The following ADAT2 variants were observed in gnomAD, a reference collection of about 807,000 sequenced individuals.
ADAT2 encodes adenosine deaminase tRNA specific 2.
ADAT2 carries 26 observed loss-of-function variants against 25.9 expected under a neutral mutation model. The observed-to-expected ratio is 1.00, with a 90% CI of 0.74 to 1.39. ADAT2 has a LOEUF of 1.39. ADAT2 is among the 40% of genes most tolerant of loss of function. ADAT2 has a pLI of 0.00. For missense variants in ADAT2, 220 were observed against 244.8 expected (o/e 0.90, Z 0.68); for synonymous variants, 76 against 86.8 (o/e 0.88, Z 0.69).
In ADAT2 at chr6:143,434,057, G is replaced by A. The variant is rs191276205; in HGVS notation, c.202-76C>T. 4.4e-5 allele frequency: 69 copies of A among 1,559,152 alleles called. No individual in the cohort carries two copies. In the Admixed American group the frequency reaches 7.5e-4, roughly 17 times the overall value. On this transcript the variant is annotated intron_variant, in intron 2 of 5. Transcript: ENST00000237283. The surrounding 1 kb of genome is among the most constrained non-coding windows in gnomAD (Gnocchi z 4.5). Reference sequence around the variant, plus strand: ...TATTTTACAAATATACAAAAACTAAGTACAAAATATGCGCCTATCCTTTCT... The same window carrying A: ...TATTTTACAAATATACAAAAACTAAATACAAAATATGCGCCTATCCTTTCT...
At chr6:143,435,516 A>ATCTTCT (rs879600559) in intron 2 of ADAT2, among the ~76,000 whole-genome samples, 2,669 of 152,284 alleles carry the variant, frequency 0.018, 105 homozygotes, top group Admixed American at 0.073. Flanking sequence ...AGCATATAGA[A>ATCTTCT]GAAACCCCGG....
intron 1 of ADAT2, among the ~76,000 whole-genome samples, chr6:143,441,198 A>T (rs1383501341): frequency 6.6e-6 from 1 of 152,244 alleles, no homozygotes; most frequent in African/African-American, 2.4e-5. Flanking sequence ...AATTTGTTAC[A>T]GCAGCCATAG....
rs1356047722 is a variant in ADAT2 at position 143,432,430 on chromosome 6, C to G, written c.459+75G>C. 85 of 1,330,040 alleles carry G rather than the reference C, an allele frequency of 6.4e-5. 1 individual carries two copies. The highest frequency in any genetic ancestry group is 1.9e-4 in the Admixed American group (11 of 58,186). 82.4% of individuals were successfully genotyped at this position (1,330,040 alleles called of 1,614,324 possible). Reference sequence around the variant, plus strand: ...ATCGTTTCTTCGTATACTGGCCACACACTAGTTATTCACAAGCCCATAAAG... The same window carrying G: ...ATCGTTTCTTCGTATACTGGCCACAGACTAGTTATTCACAAGCCCATAAAG... On this transcript the variant is annotated intron_variant, in intron 4 of 5. Transcript: ENST00000237283. This position sits in a 1 kb window ranked among gnomAD's most constrained non-coding sequence, Gnocchi z 4.4.
In ADAT2 at chr6:143,427,126, C is replaced by CAT. The variant is rs1778957771; in HGVS notation, c.*1336_*1337insAT. On this transcript the variant is annotated 3_prime_UTR_variant, in exon 6 of 6. Transcript: ENST00000237283. ...ACACACACACACACACACACACACA[C>CAT]ACACACACAAAACCAAGCAATTATA... 1 of 152,286 alleles carries CAT rather than the reference C, an allele frequency of 6.6e-6. No homozygotes were observed. The highest frequency in any genetic ancestry group is 2.4e-5 in the African/African-American group (1 of 41,228). 9.4% of individuals were successfully genotyped at this position (152,286 alleles called of 1,614,324 possible).
At chr6:143,430,936 T>C (rs1779096070) in intron 4 of ADAT2, among the ~76,000 whole-genome samples, 1 of 152,224 alleles carries the variant, frequency 6.6e-6, no homozygotes, top group Non-Finnish European at 1.5e-5. Context: ...AGAATAGTTC[T>C]GTAGGCCTCT....
rs1779416578 is a variant in ADAT2, at chr6:143,440,196, G to A, written c.97-1502C>T. Among the ~76,000 whole-genome samples the A allele has an allele frequency of 6.6e-6, 1 of 152,132 alleles. No homozygotes were observed. Among genetic ancestry groups the A allele is most frequent in the Non-Finnish European group, 1.5e-5 (1 of 68,036 alleles). ...CCAGAAAGGCAAGGTATTCCTTACT[G>A]TGGCAGCCCTGAAGAGACTTTGGAA... On this transcript the variant is annotated intron_variant, in intron 1 of 5. Transcript: ENST00000237283. The surrounding 1 kb of genome is among the most constrained non-coding windows in gnomAD (Gnocchi z 4.5).
chr6:143,436,354 G>T lies in ADAT2; in HGVS notation c.201+2236C>A. ...CTGGATGTCCATGAGGGAGGTAGAG[G>T]AGAAAATGCTTCATGTCCAAACCAA... On this transcript the variant is annotated intron_variant, in intron 2 of 5. Transcript: ENST00000237283. The surrounding 1 kb of genome is among the most constrained non-coding windows in gnomAD (Gnocchi z 4.1). 1 of 258,186 alleles carries T rather than the reference G, an allele frequency of 3.9e-6. No homozygotes were observed. Among genetic ancestry groups the T allele is most frequent in the South Asian group, 5.1e-5 (1 of 19,510 alleles). 16.0% of individuals were successfully genotyped at this position (258,186 alleles called of 1,614,324 possible).
intron 2 of ADAT2, among the ~76,000 whole-genome samples, chr6:143,435,381 G>A (rs1250883196): frequency 6.6e-6 from 1 of 152,130 alleles, no homozygotes; most frequent in Non-Finnish European, 1.5e-5. Context: ...GGGTAGTGGT[G>A]GTGGTATCAG....
At chr6:143,438,108 A>G (rs1268846887) in intron 2 of ADAT2, among the ~76,000 whole-genome samples, 2 of 152,192 alleles carry the variant, frequency 1.3e-5, no homozygotes, top group African/African-American at 4.8e-5. Context: ...CTCCCTCCAA[A>G]GCTATACATT....
rs1298257689 is a variant in ADAT2 at position 143,437,480 on chromosome 6, T to C, written c.201+1110A>G. Among the ~76,000 whole-genome samples, 1 of 152,236 alleles carries C rather than the reference T, an allele frequency of 6.6e-6. No homozygotes were observed. Among genetic ancestry groups the C allele is most frequent in the African/African-American group, 2.4e-5 (1 of 41,462 alleles). On this transcript the variant is annotated intron_variant, in intron 2 of 5. Transcript: ENST00000237283. This position sits in a 1 kb window ranked among gnomAD's most constrained non-coding sequence, Gnocchi z 4.1. ...TCTGTTACTGATTTCTAAGAACTCA[T>C]TTCTGATTAAGGATGTGAACATTTT...
At position 143,440,020 on chromosome 6, in the gene ADAT2, G is replaced by A. The variant is rs1018643437; in HGVS notation, c.97-1326C>T. Among the ~76,000 whole-genome samples the A allele has an allele frequency of 6.6e-6, 1 of 152,152 alleles. No homozygotes were observed. The highest frequency in any genetic ancestry group is 2.4e-5 in the African/African-American group (1 of 41,420). On this transcript the variant is annotated intron_variant, in intron 1 of 5. Transcript: ENST00000237283. This position sits in a 1 kb window ranked among gnomAD's most constrained non-coding sequence, Gnocchi z 4.5. ...CCTAGGAAAATTAACTCTACCTTCA[G>A]GCGGAGAGCTTAAGCAGGCAGGTTA...
chr6:143,429,717 G>C (rs1490216202), intron 4 of ADAT2, among the ~76,000 whole-genome samples: 1 of 152,198 alleles, frequency 6.6e-6, no homozygotes, highest in African/African-American at 2.4e-5. Context: ...CCCTTCTGAA[G>C]TGCATGAAGT....
chr6:143,430,276 G>A (rs1476750221), intron 4 of ADAT2, among the ~76,000 whole-genome samples: 1 of 152,182 alleles, frequency 6.6e-6, no homozygotes, highest in Non-Finnish European at 1.5e-5. Flanking sequence ...TGGGATGAGA[G>A]CAGTGGTTCT....
At chr6:143,449,401 A>G (rs1394378951) in intron 1 of ADAT2, among the ~76,000 whole-genome samples, 1 of 152,194 alleles carries the variant, frequency 6.6e-6, no homozygotes, top group Non-Finnish European at 1.5e-5. Flanking sequence ...AAGAATTTCT[A>G]GACCTCTCTG....
chr6:143,447,702 C>T (rs2128744213), intron 1 of ADAT2, among the ~76,000 whole-genome samples: 1 of 151,810 alleles, frequency 6.6e-6, no homozygotes, highest in East Asian at 1.9e-4. Flanking sequence ...AAGGGCATTA[C>T]TGGATCAAAG....
At chr6:143,443,722 T>C (rs992185655) in intron 1 of ADAT2, among the ~76,000 whole-genome samples, 1 of 151,718 alleles carries the variant, frequency 6.6e-6, no homozygotes, top group Non-Finnish European at 1.5e-5. Flanking sequence ...TCCTAGCTAC[T>C]TGGGAGGCTG....
intron 1 of ADAT2, among the ~76,000 whole-genome samples, chr6:143,447,498 T>G (rs1027666186): frequency 6.6e-6 from 1 of 152,144 alleles, no homozygotes; most frequent in Non-Finnish European, 1.5e-5. Flanking sequence ...CATATGGCTG[T>G]TTACATATGG....
rs1028325725 is a variant in ADAT2 at position 143,436,376 on chromosome 6, C to G, written c.201+2214G>C. ...GAGGAGAAAATGCTTCATGTCCAAACCAAGAACAGCAGCTACTTTGCTGAC... is the reference window on the plus strand; with the variant it reads ...GAGGAGAAAATGCTTCATGTCCAAAGCAAGAACAGCAGCTACTTTGCTGAC... On this transcript the variant is annotated intron_variant, in intron 2 of 5. Coordinates refer to ENST00000237283, the MANE Select transcript of ADAT2 (RefSeq NM_182503.3). This position sits in a 1 kb window ranked among gnomAD's most constrained non-coding sequence, Gnocchi z 4.1. 2.2e-5 allele frequency: 6 copies of G among 266,996 alleles called. No homozygotes were observed. The highest frequency in any genetic ancestry group is 3.8e-5 in the Non-Finnish European group (5 of 131,322). The allele number at this position is 266,996 out of a possible 1,614,324, so 16.5% of individuals were successfully genotyped here.
intron 1 of ADAT2, chr6:143,445,040 A>G (rs1171709163): frequency 2.0e-6 from 2 of 1,001,736 alleles, no homozygotes; most frequent in Non-Finnish European, 2.8e-6. Context: ...CATCCTGTCC[A>G]AAAGGCTAAA....
Sources: allele counts gnomAD v4.1 joint callset (sites outside exome capture counted in the v4.1 genomes callset), GRCh38; gene constraint gnomAD v4.1.1; non-coding constraint Gnocchi (gnomAD v3.1); transcripts MANE v1.5; gene names NCBI Gene and HGNC (gene_info 2026-07-23, HGNC 2026-07-21).